Variants in LINGO2 observed in about 807,000 individuals in gnomAD.
LINGO2 encodes leucine-rich repeat and immunoglobulin-like domain-containing nogo receptor-interacting protein 2.
A neutral mutation model predicts 30.6 loss-of-function variants in LINGO2; 14 were observed. The observed-to-expected ratio is 0.46, with a 90% confidence interval of 0.30 to 0.72. The LOEUF is 0.72. LINGO2 is among the 30% of genes least tolerant of loss of function. The pLI is 0.07. For missense variants in LINGO2, 729 were observed against 751.7 expected, an observed-to-expected ratio of 0.97 and a Z score of 0.35; for synonymous variants, 317 against 288.5, an observed-to-expected ratio of 1.10 and a Z score of -1.00.
chr9:29,162,077 G>C, the LINGO2 span, among the ~76,000 whole-genome samples: 6 of 152,102 alleles, frequency 3.9e-5, no homozygotes, highest in East Asian at 1.2e-3. Context: ...CCGCCATCAC[G>C]CATGGCTAAT....
At chr9:29,012,926 T>C in the LINGO2 span, among the ~76,000 whole-genome samples, 1 of 152,200 alleles carries the variant, frequency 6.6e-6, no homozygotes, top group Non-Finnish European at 1.5e-5. Flanking sequence ...TAGTGAAAGA[T>C]ATTAAGTCCT....
the LINGO2 span, among the ~76,000 whole-genome samples, chr9:29,175,137 T>C: frequency 4.3e-4 from 66 of 152,206 alleles, no homozygotes; most frequent in Middle Eastern, 3.4e-3. Flanking sequence ...TGCATGCCTG[T>C]AATCCCAGCT....
the LINGO2 span, among the ~76,000 whole-genome samples, chr9:29,050,395 A>G: frequency 6.6e-6 from 1 of 152,224 alleles, no homozygotes; most frequent in African/African-American, 2.4e-5. Context: ...CACGTCTGCT[A>G]TGTATCCACA....
intron 3 of LINGO2, among the ~76,000 whole-genome samples, chr9:28,344,658 GTCAT>G (rs1819497106): frequency 6.6e-6 from 1 of 151,902 alleles, no homozygotes; most frequent in Non-Finnish European, 1.5e-5. Context: ...CAGAAAAAGG[GTCAT>G]TCAATTTTAA....
In LINGO2 at chr9:28,130,793, G is replaced by A. The variant is rs757173859; in HGVS notation, c.-86-118388C>T. Among the ~76,000 whole-genome samples the A allele has an allele frequency of 6.6e-6, 1 of 152,116 alleles. No homozygotes were observed. The highest frequency in any genetic ancestry group is 6.5e-5 in the Admixed American group (1 of 15,268). On this transcript the variant is annotated intron_variant, in intron 4 of 5. Coordinates refer to ENST00000379992, the Ensembl canonical transcript of LINGO2. The surrounding 1 kb of genome is among the most constrained non-coding windows in gnomAD (Gnocchi z 5.2). ...GGCCAAATGTGCAGAAATGGAAAAA[G>A]ATTAGATTCTGAGAAGTAGTACAGT... is the stretch of plus-strand genomic sequence containing the variant.
intron 4 of LINGO2, among the ~76,000 whole-genome samples, chr9:28,241,330 G>T (rs1821789161): frequency 6.7e-6 from 1 of 149,686 alleles, no homozygotes; most frequent in African/African-American, 2.5e-5. Context: ...GTGGGGTGGG[G>T]CCAAGATAGC....
the LINGO2 span, among the ~76,000 whole-genome samples, chr9:28,980,825 A>C: frequency 3.4e-5 from 5 of 146,694 alleles, no homozygotes; most frequent in African/African-American, 1.3e-4. Flanking sequence ...TTATTTTTTT[A>C]TCATCAATAT....
the LINGO2 span, among the ~76,000 whole-genome samples, chr9:29,086,316 T>C: frequency 6.6e-6 from 1 of 152,222 alleles, no homozygotes; most frequent in African/African-American, 2.4e-5. Context: ...TTCTATGAAA[T>C]AGAGCCCTAA....
At chr9:28,556,905 C>T (rs191533641) in intron 1 of LINGO2, among the ~76,000 whole-genome samples, 1 of 152,058 alleles carries the variant, frequency 6.6e-6, no homozygotes, top group South Asian at 2.1e-4. Context: ...GAAAGGATTG[C>T]CTATTTAATA....
At chr9:28,286,891 C>A (rs936519029) in intron 4 of LINGO2, among the ~76,000 whole-genome samples, 4 of 152,128 alleles carry the variant, frequency 2.6e-5, no homozygotes. Flanking sequence ...ATTAAATAAT[C>A]TGTACAACAG....
intron 4 of LINGO2, among the ~76,000 whole-genome samples, chr9:28,084,821 G>T (rs1204618131): frequency 6.6e-6 from 1 of 152,134 alleles, no homozygotes; most frequent in African/African-American, 2.4e-5. Flanking sequence ...GGGCCAGAAA[G>T]TCTGTATAAA....
intron 1 of LINGO2, among the ~76,000 whole-genome samples, chr9:28,577,134 G>T (rs953549545): frequency 2.6e-5 from 4 of 152,060 alleles, no homozygotes; most frequent in African/African-American, 9.6e-5. Flanking sequence ...AAAATAAAAC[G>T]CCACAAATTT....
At chr9:28,949,038 C>T in the LINGO2 span, among the ~76,000 whole-genome samples, 7 of 151,998 alleles carry the variant, frequency 4.6e-5, no homozygotes, top group African/African-American at 1.7e-4. Context: ...CTTCTATTTC[C>T]CCTTCAACAG....
chr9:28,995,859 G>A, the LINGO2 span, among the ~76,000 whole-genome samples: 1 of 147,390 alleles, frequency 6.8e-6, no homozygotes, highest in Non-Finnish European at 1.5e-5. Flanking sequence ...ATCACACTCT[G>A]GGGACTGTTG....
chr9:28,411,680 T>G (rs1449362944), intron 2 of LINGO2, among the ~76,000 whole-genome samples: 2 of 152,148 alleles, frequency 1.3e-5, no homozygotes, highest in African/African-American at 4.8e-5. Flanking sequence ...GGTGGACACA[T>G]GGGTTGTTCA....
At chr9:28,345,744 G>A (rs1819539830) in intron 3 of LINGO2, among the ~76,000 whole-genome samples, 1 of 152,098 alleles carries the variant, frequency 6.6e-6, no homozygotes, top group African/African-American at 2.4e-5. Flanking sequence ...AATCACTACT[G>A]TGGCCTACAC....
the LINGO2 span, among the ~76,000 whole-genome samples, chr9:28,733,984 T>C: frequency 6.6e-6 from 1 of 152,148 alleles, no homozygotes; most frequent in African/African-American, 2.4e-5. Context: ...TCCCCCATTA[T>C]CTATGACAGA....
At chr9:28,657,191 A>G (rs951519242) in intron 1 of LINGO2, among the ~76,000 whole-genome samples, 2 of 152,132 alleles carry the variant, frequency 1.3e-5, no homozygotes, top group African/African-American at 2.4e-5. Flanking sequence ...TAATATATAT[A>G]TAACAAAATT....
the LINGO2 span, among the ~76,000 whole-genome samples, chr9:28,979,987 T>C: frequency 2.0e-5 from 3 of 152,148 alleles, no homozygotes; most frequent in Non-Finnish European, 2.9e-5. Context: ...CATCTTCACA[T>C]AGAAATATAA....
Sources: allele counts gnomAD v4.1 joint callset (sites outside exome capture counted in the v4.1 genomes callset), GRCh38; gene constraint gnomAD v4.1.1; non-coding constraint Gnocchi (gnomAD v3.1); transcripts MANE v1.5; gene names NCBI Gene and HGNC (gene_info 2026-07-23, HGNC 2026-07-21).